EEF1E1: variants seen among roughly 807,000 people sequenced by gnomAD.
EEF1E1 encodes eukaryotic translation elongation factor 1 epsilon 1, also known as eukaryotic translation elongation factor 1 epsilon-1.
EEF1E1 carries 19 observed loss-of-function variants against 19.9 expected under a neutral mutation model. The ratio of observed to expected loss-of-function variants is 0.95; its 90% CI spans 0.66 to 1.40. EEF1E1 has a LOEUF of 1.40. Ranked by LOEUF, EEF1E1 falls within the 40% of genes most tolerant of loss-of-function variation. The pLI is 0.00. For missense variants in EEF1E1, 198 were observed against 202.2 expected (o/e 0.98, Z 0.13); for synonymous variants, 81 against 80.0 (o/e 1.01, Z -0.07).
rs1554099258 is a variant in EEF1E1 at position 8,092,868 on chromosome 6, G to GTTGTTTT, written c.289-2588_289-2587insAAAACAA. On this transcript the variant is annotated intron_variant, in intron 2 of 3. Transcript: ENST00000379715. ...GTTTTGTGTTTTAGTGATAAAGACT[G>GTTGTTTT]CTTTTTTTTTTTTTTTTTTTTTTTG... Among the ~76,000 whole-genome samples, 17 of 108,198 alleles carry GTTGTTTT rather than the reference G, an allele frequency of 1.6e-4. 1 individual carries two copies. The highest frequency in any genetic ancestry group is 2.0e-4 in the Non-Finnish European group (11 of 53,746). The allele number at this position is 108,198 out of a possible 152,430, so 71.0% of individuals were successfully genotyped here.
intron 2 of EEF1E1, 35 bp downstream of exon 2, chr6:8,097,232 T>C: frequency 6.3e-7 from 1 of 1,588,448 alleles, no homozygotes; most frequent in Non-Finnish European, 8.6e-7. Context: ...GATTAACAGT[T>C]CATGCATTTC....
chr6:8,084,337 A>G (rs1757792434), intron 3 of EEF1E1, among the ~76,000 whole-genome samples: 1 of 152,250 alleles, frequency 6.6e-6, no homozygotes, highest in Admixed American at 6.5e-5. Context: ...ATAACTTTGC[A>G]GCTAGTGCTA....
chr6:8,091,491 T>C (rs1758009665), intron 2 of EEF1E1, among the ~76,000 whole-genome samples: 1 of 152,220 alleles, frequency 6.6e-6, no homozygotes, highest in African/African-American at 2.4e-5. Context: ...TGGGCTGCCT[T>C]TTCACTCTGT....
intron 1 of EEF1E1, among the ~76,000 whole-genome samples, chr6:8,099,967 TA>T (rs34404088): frequency 0.52 from 78,280 of 151,804 alleles, 20,598 homozygotes; most frequent in African/African-American, 0.62. Context: ...TTTCAATTTT[TA>T]AACTATGATT....
At chr6:8,073,506 C>A in exon 4 of EEF1E1, 1 of 1,551,520 alleles carries the variant, frequency 6.4e-7, no homozygotes. Flanking sequence ...CCTCAGCTTC[C>A]TTATCTGCAA....
chr6:8,077,325 T>A (rs893284835), downstream of EEF1E1, among the ~76,000 whole-genome samples: 38 of 152,310 alleles, frequency 2.5e-4, no homozygotes, highest in Non-Finnish European at 4.7e-4. Flanking sequence ...ACCAGCTGCA[T>A]TAGCCCCATA....
At chr6:8,076,430 T>C (rs1416671629), downstream of EEF1E1, among the ~76,000 whole-genome samples, 1 of 152,050 alleles carries the variant, frequency 6.6e-6, no homozygotes, top group African/African-American at 2.4e-5. Context: ...TTCATGCTAT[T>C]CTCCTGTCTC....
In EEF1E1 at chr6:8,079,501, C is replaced by G; in HGVS notation, c.*389G>C. 1.0e-6 allele frequency: 1 copy of G among 993,238 alleles called. No individual in the cohort carries two copies. Among genetic ancestry groups the G allele is most frequent in the Non-Finnish European group, 1.2e-6 (1 of 833,880 alleles). The allele number at this position is 993,238 out of a possible 1,614,324, so 61.5% of individuals were successfully genotyped here. On this transcript the variant is annotated 3_prime_UTR_variant, in exon 4 of 4. Transcript: ENST00000379715. ...AATTTATCAGTTCTTAACAAACTACCATAAATATCCATAAGGGGAAAATGA... is the reference window on the plus strand; with the variant it reads ...AATTTATCAGTTCTTAACAAACTACGATAAATATCCATAAGGGGAAAATGA...
intron 1 of EEF1E1, chr6:8,101,843 A>G: frequency 7.8e-7 from 1 of 1,288,608 alleles, no homozygotes; most frequent in Non-Finnish European, 1.0e-6. Context: ...CCTTCCCCGA[A>G]TCCCCTAGAT....
chr6:8,075,598 A>T (rs1757572070), downstream of EEF1E1, among the ~76,000 whole-genome samples: 1 of 148,912 alleles, frequency 6.7e-6, no homozygotes, highest in Non-Finnish European at 1.5e-5. Context: ...GATCATCTGG[A>T]CCTTTAGGAA....
At chr6:8,076,061 G>A (rs914837925), downstream of EEF1E1, among the ~76,000 whole-genome samples, 1 of 152,078 alleles carries the variant, frequency 6.6e-6, no homozygotes, top group African/African-American at 2.4e-5. Flanking sequence ...TACTTCTCTT[G>A]TTATTTCCAC....
chr6:8,099,966 TTA>T (rs1445267539), intron 1 of EEF1E1, among the ~76,000 whole-genome samples: 1 of 109,106 alleles, frequency 9.2e-6, no homozygotes, highest in African/African-American at 4.0e-5. Flanking sequence ...CTTTCAATTT[TTA>T]AACTATGATT....
intron 3 of EEF1E1, among the ~76,000 whole-genome samples, chr6:8,084,527 A>G (rs1757797828): frequency 6.6e-6 from 1 of 152,166 alleles, no homozygotes; most frequent in African/African-American, 2.4e-5. Flanking sequence ...CATCTTTTTT[A>G]TTTTTAATTA....
At chr6:8,079,352 C>A, downstream of EEF1E1, 1 of 953,074 alleles carries the variant, frequency 1.0e-6, no homozygotes, top group Non-Finnish European at 1.2e-6. Context: ...TTAGTTTCAC[C>A]CCAATGAGTA....
At chr6:8,099,220 A>G (rs1308003759) in intron 1 of EEF1E1, among the ~76,000 whole-genome samples, 1 of 152,262 alleles carries the variant, frequency 6.6e-6, no homozygotes, top group African/African-American at 2.4e-5. Context: ...TATTCTGGTC[A>G]ACGATGTTCT....
At chr6:8,087,920 T>C (rs1430411077) in intron 3 of EEF1E1, among the ~76,000 whole-genome samples, 1 of 151,966 alleles carries the variant, frequency 6.6e-6, no homozygotes, top group Non-Finnish European at 1.5e-5. Context: ...AAGATGGGTG[T>C]TGGGGTGATG....
intron 1 of EEF1E1, chr6:8,102,181 G>A: frequency 1.7e-6 from 2 of 1,175,418 alleles, no homozygotes; most frequent in Non-Finnish European, 2.3e-6. Context: ...CCTCATAATG[G>A]GATGATGACA....
At chr6:8,090,108 G>T in intron 3 of EEF1E1, 78 bp downstream of exon 3, 2 of 1,254,584 alleles carry the variant, frequency 1.6e-6, no homozygotes, top group South Asian at 1.6e-5. Flanking sequence ...ATGCAAATCT[G>T]ATTTAAATTC....
chr6:8,098,140 G>A (rs886783469), intron 1 of EEF1E1, among the ~76,000 whole-genome samples: 3 of 150,146 alleles, frequency 2.0e-5, no homozygotes, highest in Non-Finnish European at 3.0e-5. Flanking sequence ...TTTCATTTGA[G>A]ACGGAATCGC....
Sources: allele counts gnomAD v4.1 joint callset (sites outside exome capture counted in the v4.1 genomes callset), GRCh38; gene constraint gnomAD v4.1.1; transcripts MANE v1.5; gene names NCBI Gene and HGNC (gene_info 2026-07-23, HGNC 2026-07-21).